Variants in ASPM observed in about 807,000 individuals in gnomAD.
ASPM encodes abnormal spindle-like microcephaly-associated protein.
A neutral mutation model predicts 366.4 loss-of-function variants in ASPM; 256 were observed. The observed-to-expected ratio is 0.70, with a 90% CI of 0.63 to 0.77. ASPM has a LOEUF of 0.77. Among genes scored for constraint, ASPM ranks in the 30% least tolerant of loss-of-function variants. The pLI is 0.00. For missense variants in ASPM, 4,146 were observed against 4,090.4 expected, an observed-to-expected ratio of 1.01 and a Z score of -0.37; for synonymous variants, 1,414 against 1,342.9, an observed-to-expected ratio of 1.05 and a Z score of -1.16.
Position 197,101,713 on chromosome 1 carries a change from T to C in ASPM, c.7538A>G (p.His2513Arg), listed in dbSNP as rs1657192565. 1.4e-5 allele frequency: 23 copies of C among 1,612,074 alleles called. No individual in the cohort carries two copies. The highest frequency in any genetic ancestry group is 1.7e-5 in the Non-Finnish European group (20 of 1,178,984). ...TTTTGCAGCTCTATATGTTCGATAA[T>C]GTTGCTGAATTAGAATTGAAGCATG... ...WKHASILIQQ[H>R]YRTYRAAKLQ... Residue 2513 changes from histidine to arginine, a missense_variant, in exon 18 of 28, where the codon CAT becomes CGT. Physicochemically the swap from His to Arg is conservative, Grantham distance 29. Around this residue, in one of 3 missense-constraint regions of ASPM, gnomAD observed 3,624 missense variants for 3,591.7 expected, o/e 1.01. Coordinates refer to ENST00000367409, the MANE Select transcript of ASPM (RefSeq NM_018136.5).
rs74743106 is a variant in ASPM, at chr1:197,146,634, A to G, written c.-197T>C. Reference sequence around the variant, plus strand: ...ACAAGCCCAATAAACTCGCAAATTAAAAAGAGGAGCCAAACAAGTATGGCG... The same window carrying G: ...ACAAGCCCAATAAACTCGCAAATTAGAAAGAGGAGCCAAACAAGTATGGCG... On this transcript the variant is annotated 5_prime_UTR_variant, in exon 1 of 28. Transcript: ENST00000367409. The G allele has an allele frequency of 4.6e-4, 289 of 633,694 alleles. No individual in the cohort carries two copies. In the African/African-American group the frequency reaches 4.7e-3, roughly 10 times the overall value. 39.3% of individuals were successfully genotyped at this position (633,694 alleles called of 1,614,324 possible).
At chr1:197,127,435 G>T (rs1228917667) in intron 10 of ASPM, among the ~76,000 whole-genome samples, 1 of 152,106 alleles carries the variant, frequency 6.6e-6, no homozygotes, top group Admixed American at 6.5e-5. Context: ...CTGTTTTGAG[G>T]CATAGCAACT....
Position 197,128,629 on chromosome 1 carries a change from A to T in ASPM, c.2797T>A (p.Phe933Ile). ...GAAAGGTCACCTTCACCACTTAGGA[A>T]ATCTCGTGAAAAAGCCAAAAGGATT... Reference protein sequence around the residue: ...KEILLAFSRDFLSGEGDLSRH... With the variant: ...KEILLAFSRDILSGEGDLSRH... Residue 933 changes from phenylalanine to isoleucine, a missense_variant, in exon 10 of 28, where the codon TTC (phenylalanine) becomes ATC (isoleucine). Physicochemically the swap from Phe to Ile is conservative, Grantham distance 21. Around this residue, in one of 3 missense-constraint regions of ASPM, gnomAD observed 3,624 missense variants for 3,591.7 expected, o/e 1.01. Transcript: ENST00000367409. 6.2e-7 allele frequency: 1 copy of T among 1,613,876 alleles called. No individual in the cohort carries two copies. Among genetic ancestry groups the T allele is most frequent in the Non-Finnish European group, 8.5e-7 (1 of 1,179,808 alleles).
rs570718739 is a variant in ASPM at position 197,126,711 on chromosome 1, T to G, written c.2937-1520A>C. ...CTGCAGTAAAAAGACTATTAACTTG[T>G]GAGAATACTGATCAGAAAGAAAAGA... is the stretch of plus-strand genomic sequence containing the variant. On this transcript the variant is annotated intron_variant, in intron 10 of 27. Transcript: ENST00000367409. 1.4e-4 allele frequency among the ~76,000 whole-genome samples: 22 copies of G among 152,220 alleles called. 1 individual carries two copies. In the East Asian group the frequency reaches 4.1e-3, roughly 28 times the overall value.
At chr1:197,134,549 T>C (rs867341809) in intron 5 of ASPM, among the ~76,000 whole-genome samples, 36 of 152,268 alleles carry the variant, frequency 2.4e-4, no homozygotes, top group African/African-American at 8.2e-4. Flanking sequence ...TAAACATTCA[T>C]AAGAATTTTT....
At chr1:197,120,838 T>C (rs1175685330) in intron 16 of ASPM, among the ~76,000 whole-genome samples, 3 of 152,096 alleles carry the variant, frequency 2.0e-5, no homozygotes, top group Non-Finnish European at 2.9e-5. Context: ...GCATATACAG[T>C]AGCAGAAAAG....
intron 17 of ASPM, among the ~76,000 whole-genome samples, chr1:197,114,504 G>T (rs1657685648): frequency 6.6e-6 from 1 of 152,148 alleles, no homozygotes. Flanking sequence ...TTTAAAATTG[G>T]GGTCAATCCT....
chr1:197,088,455 T>A, intron 25 of ASPM, 23 bp from the exon 26 acceptor site: 2 of 1,564,336 alleles, frequency 1.3e-6, no homozygotes, highest in Middle Eastern at 2.0e-4. Context: ...AGAATGAAAT[T>A]AAAAGTTGTA....
At position 197,135,179 on chromosome 1, in the gene ASPM, T is replaced by C; in HGVS notation, c.2090A>G (p.Glu697Gly). The C allele has an allele frequency of 6.2e-7, 1 of 1,613,940 alleles. No homozygotes were observed. The highest frequency in any genetic ancestry group is 1.1e-5 in the South Asian group (1 of 91,084). ...KNMFYDERWKEKQEQGFTWWL... is the reference protein window; with the variant it reads ...KNMFYDERWKGKQEQGFTWWL... Reference sequence around the variant, plus strand: ...CCAAGTGAAGCCCTGTTCCTGCTTTTCCTTCCAGCGTTCATCATAAAACAT... The same window carrying C: ...CCAAGTGAAGCCCTGTTCCTGCTTTCCCTTCCAGCGTTCATCATAAAACAT... Residue 697 changes from glutamate to glycine, a missense_variant, in exon 5 of 28, where the codon GAA (glutamate) becomes GGA (glycine). Coordinates refer to ENST00000367409, the MANE Select transcript of ASPM (RefSeq NM_018136.5).
chr1:197,084,489 C>G (rs376271202), intron 27 of ASPM, 63 bp from the exon 28 acceptor site: 33 of 1,109,778 alleles, frequency 3.0e-5, no homozygotes, highest in Middle Eastern at 4.3e-4. Context: ...TTACCTTCAC[C>G]TTTTTTCTCT....
In ASPM at chr1:197,091,015, T is replaced by C. The variant is rs764291332; in HGVS notation, c.9471A>G (p.Glu3157=). ...IQRWFRARLQ[E]KRFIQKYHSI... ...TATGATATTTCTGAATAAATCTCTT[T>C]TCTTGTAATCTTGCTCGAAACCATC... is the stretch of plus-strand genomic sequence containing the variant. The change falls in exon 23 of 28, where the codon GAA becomes GAG. Residue 3157 remains glutamate, a synonymous_variant. Transcript: ENST00000367409. 9.3e-6 allele frequency: 15 copies of C among 1,612,074 alleles called. No homozygotes were observed. The African/African-American group carries it at 2.0e-4, about 22-fold the overall frequency.
Position 197,133,430 on chromosome 1 carries a change from T to G in ASPM, c.2339A>C (p.Lys780Thr), listed in dbSNP as rs1042043873. 5 of 1,613,936 alleles carry G rather than the reference T, an allele frequency of 3.1e-6. No homozygotes were observed. The highest frequency in any genetic ancestry group is 1.3e-5 in the African/African-American group (1 of 74,916). Residue 780 changes from lysine to threonine, a missense_variant, in exon 6 of 28, where the codon AAA (lysine) becomes ACA (threonine). By Grantham distance (78) the Lys-to-Thr change is moderately conservative. Coordinates refer to ENST00000367409, the MANE Select transcript of ASPM (RefSeq NM_018136.5). The stretch of plus-strand genomic sequence containing the variant: ...TTCAATTTCAAGCTTTTTAATAGCT[T>G]TAACCATTTTTTCAGAAGTAAACAA... The part of the protein sequence containing the change: ...CRLFTSEKMV[K>T]AIKKLEIEIE...
Position 197,143,639 on chromosome 1 carries a change from G to GA in ASPM, c.612dup (p.Pro205SerfsTer11). The GA allele has an allele frequency of 6.2e-7, 1 of 1,613,230 alleles. No homozygotes were observed. Among genetic ancestry groups the GA allele is most frequent in the Non-Finnish European group, 8.5e-7 (1 of 1,179,906 alleles). ...ATTAAAGAATTGTTTTCTGTTGGGG[G>GA]ACCGCCTTCATTCATAGCCAAGTTT... is the stretch of plus-strand genomic sequence containing the variant. On this transcript the variant is annotated frameshift_variant, in exon 3 of 28. Coordinates refer to ENST00000367409, the MANE Select transcript of ASPM (RefSeq NM_018136.5). LOFTEE classifies it high-confidence loss of function.
rs1658769681 is a variant in ASPM, at chr1:197,146,149, C to T, written c.289G>A (p.Val97Met). ...LGFSVSQRCF[V>M]LQPKEKIVIS... ...CTCCTCCTGAGACCTACCTGCAACACGAAACAGCGCTGCGACACACTGAAG... is the reference window on the plus strand; with the variant it reads ...CTCCTCCTGAGACCTACCTGCAACATGAAACAGCGCTGCGACACACTGAAG... Residue 97 changes from valine (V) to methionine (M), a missense_variant, in exon 1 of 28, where the codon GTG becomes ATG. Coordinates refer to ENST00000367409, the MANE Select transcript of ASPM (RefSeq NM_018136.5). The T allele has an allele frequency of 6.2e-7, 1 of 1,613,930 alleles. No individual in the cohort carries two copies. Among genetic ancestry groups the T allele is most frequent in the South Asian group, 1.1e-5 (1 of 91,080 alleles).
chr1:197,129,238 G>A lies in ASPM; in HGVS notation c.2709C>T (p.Ser903=), dbSNP rs761223478. The A allele has an allele frequency of 1.2e-6, 2 of 1,612,394 alleles. No homozygotes were observed. Among genetic ancestry groups the A allele is most frequent in the Non-Finnish European group, 1.7e-6 (2 of 1,178,694 alleles). The stretch of plus-strand genomic sequence containing the variant: ...GACAAGGATCATGATCAATGAGTCT[G>A]GAAATTTTAGCATAATCAAGAAAAC... The part of the protein sequence containing the change: ...LVCFLDYAKI[S]RLIDHDPCLF... The change falls in exon 9 of 28, where the codon TCC becomes TCT. Residue 903 remains serine (S), a synonymous_variant. Transcript: ENST00000367409.
At chr1:197,086,336 T>A (rs1417162480) in intron 27 of ASPM, among the ~76,000 whole-genome samples, 6 of 152,050 alleles carry the variant, frequency 3.9e-5, no homozygotes, top group African/African-American at 1.4e-4. Context: ...CCATGACGGT[T>A]CACCAAAATA....
rs886041282 is a variant in ASPM at position 197,103,565 on chromosome 1, TTCTAA to T, written c.5681_5685del (p.Ile1894LysfsTer14). 1.1e-5 allele frequency: 17 copies of T among 1,612,898 alleles called. No individual in the cohort carries two copies. The highest frequency in any genetic ancestry group is 1.3e-5 in the Non-Finnish European group (15 of 1,179,500). On this transcript the variant is annotated frameshift_variant, in exon 18 of 28. Transcript: ENST00000367409. LOFTEE classifies it high-confidence loss of function. ...ATCTTCAAGGCAGCTTGATGTTCCCTTCTAATCTGTTTCCGAACCTTCCAGCCACG... is the reference window on the plus strand; with the variant it reads ...ATCTTCAAGGCAGCTTGATGTTCCCTTCTGTTTCCGAACCTTCCAGCCACG...
chr1:197,086,530 A>G (rs1457798583), intron 27 of ASPM, among the ~76,000 whole-genome samples: 3 of 152,188 alleles, frequency 2.0e-5, no homozygotes, highest in Admixed American at 1.3e-4. Context: ...AAATAAAATG[A>G]CAAAACTTAT....
At chr1:197,116,654 ACCT>A (rs1282295451) in intron 17 of ASPM, among the ~76,000 whole-genome samples, 1 of 152,138 alleles carries the variant, frequency 6.6e-6, no homozygotes, top group Non-Finnish European at 1.5e-5. Flanking sequence ...TGTTCATAAT[ACCT>A]TTAATCATAA....
Sources: gnomAD v4.1 joint callset for allele counts (sites outside exome capture counted in the v4.1 genomes callset) on GRCh38, gnomAD v4.1.1 for gene constraint, gnomAD v4.1.1 regional missense constraint, MANE v1.5 for transcripts, NCBI Gene and HGNC (gene_info 2026-07-23, HGNC 2026-07-21) for gene names.